Variants in HIRA observed in about 807,000 individuals in gnomAD.
The protein encoded by HIRA is protein HIRA.
Under a neutral mutation model 126.6 loss-of-function variants are expected in HIRA, and 13 were observed. The observed-to-expected ratio is 0.10, with a 90% CI of 0.07 to 0.16. HIRA has a LOEUF of 0.16. Ranked by LOEUF, HIRA falls within the 10% of genes least tolerant of loss-of-function variation. The pLI is 1.00. For missense variants in HIRA, 834 were observed against 1,314.4 expected (o/e 0.63, Z 5.65); for synonymous variants, 511 against 520.0 (o/e 0.98, Z 0.24).
In HIRA at chr22:19,331,518, T is replaced by C. The variant is rs782659910; in HGVS notation, c.2976A>G (p.Pro992=). The change falls in exon 25 of 25, where the codon CCA becomes CCG. Residue 992 remains proline (P), a synonymous_variant. Transcript: ENST00000263208. The part of the protein sequence containing the change: ...RKRELLKELL[P]VIGQNLRFQR... ...GGAATCGGAGGTTCTGCCCGATGAC[T>C]GGTAGCAGCTCCTTCAGCAGCTCCC... 9 of 1,611,756 alleles carry C rather than the reference T, an allele frequency of 5.6e-6. 1 individual carries two copies. The highest frequency in any genetic ancestry group is 7.6e-6 in the Non-Finnish European group (9 of 1,178,320).
At chr22:19,378,661 C>G (rs2089041810) in intron 13 of HIRA, among the ~76,000 whole-genome samples, 1 of 152,218 alleles carries the variant, frequency 6.6e-6, no homozygotes, top group Non-Finnish European at 1.5e-5. Flanking sequence ...ATACAAAGTG[C>G]CAGGACTCTC....
At chr22:19,399,259 A>G in intron 5 of HIRA, 1 of 565,346 alleles carries the variant, frequency 1.8e-6, no homozygotes, top group Non-Finnish European at 2.2e-6. Flanking sequence ...ATAGCTATCA[A>G]GTCCTTTCTT....
chr22:19,424,849 A>G (rs2089476845), intron 1 of HIRA, among the ~76,000 whole-genome samples: 1 of 152,184 alleles, frequency 6.6e-6, no homozygotes, highest in Non-Finnish European at 1.5e-5. Context: ...GTCCTGAGAT[A>G]GGTCAGCTTC....
At chr22:19,428,640 T>G (rs2089506809) in intron 1 of HIRA, among the ~76,000 whole-genome samples, 1 of 152,166 alleles carries the variant, frequency 6.6e-6, no homozygotes, top group Non-Finnish European at 1.5e-5. Context: ...CTTTAGACTC[T>G]CGAAAAACAG....
intron 1 of HIRA, among the ~76,000 whole-genome samples, chr22:19,419,412 A>G (rs2089425974): frequency 1.3e-5 from 2 of 152,074 alleles, no homozygotes; most frequent in Admixed American, 1.3e-4. Flanking sequence ...TGGGCCTTGT[A>G]CTGACTCTTC....
At chr22:19,402,060 C>A (rs1191150075) in intron 5 of HIRA, among the ~76,000 whole-genome samples, 1 of 152,190 alleles carries the variant, frequency 6.6e-6, no homozygotes, top group African/African-American at 2.4e-5. Flanking sequence ...TCACTGCCGT[C>A]CAGTCTTCCC....
At chr22:19,362,997 G>A (rs1318854110) in intron 15 of HIRA, among the ~76,000 whole-genome samples, 8 of 151,492 alleles carry the variant, frequency 5.3e-5, no homozygotes, top group Non-Finnish European at 2.9e-5. Context: ...ACTTTGGGAG[G>A]CTGAGGTGGG....
chr22:19,369,760 C>T (rs1226280161), intron 15 of HIRA, among the ~76,000 whole-genome samples: 1 of 152,018 alleles, frequency 6.6e-6, no homozygotes, highest in Non-Finnish European at 1.5e-5. Context: ...GGTGAAACCC[C>T]ATCTGTACTA....
At chr22:19,349,054 G>T (rs1175520280) in intron 24 of HIRA, among the ~76,000 whole-genome samples, 1 of 151,746 alleles carries the variant, frequency 6.6e-6, no homozygotes, top group Admixed American at 6.6e-5. Context: ...AAAAGGCTGG[G>T]ATTATAGGCA....
chr22:19,372,062 A>G (rs1411452217), intron 15 of HIRA, among the ~76,000 whole-genome samples: 4 of 152,142 alleles, frequency 2.6e-5, no homozygotes, highest in African/African-American at 4.8e-5. Context: ...AAAGGTGCTA[A>G]AAGACTTTAC....
At chr22:19,354,613 T>C (rs535081588) in intron 21 of HIRA, among the ~76,000 whole-genome samples, 16 of 152,226 alleles carry the variant, frequency 1.1e-4, no homozygotes, top group Non-Finnish European at 2.4e-4. Flanking sequence ...TTCACACACT[T>C]TTAGAACAGC....
intron 15 of HIRA, 78 bp from the exon 16 acceptor site, chr22:19,362,009 C>A: frequency 7.2e-7 from 1 of 1,390,870 alleles, no homozygotes; most frequent in Non-Finnish European, 1.0e-6. Flanking sequence ...ATTTAAAGTG[C>A]TTAAACAAAC....
chr22:19,386,549 G>T (rs547491305), intron 11 of HIRA, among the ~76,000 whole-genome samples: 3 of 152,378 alleles, frequency 2.0e-5, no homozygotes, highest in Admixed American at 2.0e-4. Flanking sequence ...ACCTGCTCCT[G>T]CAGGGCTTGA....
At chr22:19,403,658 A>G (rs967190884) in intron 5 of HIRA, among the ~76,000 whole-genome samples, 4 of 152,044 alleles carry the variant, frequency 2.6e-5, no homozygotes, top group African/African-American at 4.8e-5. Context: ...GTGTTATTAT[A>G]TTTACTAGTA....
chr22:19,429,879 CATA>C (rs746057553), intron 1 of HIRA, among the ~76,000 whole-genome samples: 279 of 152,268 alleles, frequency 1.8e-3, no homozygotes, highest in Non-Finnish European at 2.7e-3. Flanking sequence ...TAAACTAGTT[CATA>C]ATAACATTTT....
At chr22:19,397,481 A>G (rs572829399) in intron 6 of HIRA, among the ~76,000 whole-genome samples, 3 of 152,348 alleles carry the variant, frequency 2.0e-5, no homozygotes, top group African/African-American at 7.2e-5. Context: ...CTGGATCCAT[A>G]AGGAAAGCAT....
intron 15 of HIRA, among the ~76,000 whole-genome samples, chr22:19,369,117 T>C (rs1487559111): frequency 6.7e-6 from 1 of 149,908 alleles, no homozygotes; most frequent in African/African-American, 2.4e-5. Flanking sequence ...CCCTTACAAA[T>C]GGGCTCCATC....
At chr22:19,343,770 T>C (rs1372458259) in intron 24 of HIRA, among the ~76,000 whole-genome samples, 2 of 150,240 alleles carry the variant, frequency 1.3e-5, no homozygotes, top group African/African-American at 4.9e-5. Context: ...CTACAAAAGA[T>C]ACAACAATTA....
rs1194810398 is a variant in HIRA at position 19,359,457 on chromosome 22, C to T, written c.2113G>A (p.Glu705Lys). 3.1e-6 allele frequency: 5 copies of T among 1,609,280 alleles called. No homozygotes were observed. The South Asian group carries it at 5.6e-5, about 18-fold the overall frequency. The part of the protein sequence containing the change: ...QVSSDPSMYI[E>K]VENEVTVVGG... ...ACCACTGTCACTTCATTCTCCACCTCAATGTACATGGAAGGATCGGAGCTG... is the reference window on the plus strand; with the variant it reads ...ACCACTGTCACTTCATTCTCCACCTTAATGTACATGGAAGGATCGGAGCTG... Residue 705 changes from glutamate (E) to lysine (K), a missense_variant, in exon 18 of 25, where the codon GAG becomes AAG. Physicochemically the swap from Glu to Lys is moderately conservative, Grantham distance 56. Coordinates refer to ENST00000263208, the MANE Select transcript of HIRA (RefSeq NM_003325.4).
Sources: gnomAD v4.1 joint callset for allele counts (sites outside exome capture counted in the v4.1 genomes callset) on GRCh38, gnomAD v4.1.1 for gene constraint, MANE v1.5 for transcripts, NCBI Gene and HGNC (gene_info 2026-07-23, HGNC 2026-07-21) for gene names.